Variants in CHST15 observed in about 807,000 individuals in gnomAD.
The protein encoded by CHST15 is B cell RAG associated protein (GALNAC4S-6ST).
Under a neutral mutation model 53.6 loss-of-function variants are expected in CHST15, and 30 were observed. The ratio of observed to expected loss-of-function variants is 0.56; its 90% confidence interval spans 0.42 to 0.76. The LOEUF (loss-of-function observed/expected upper bound fraction) is 0.76, where lower values mean the gene tolerates loss of function less well. Among genes scored for constraint, CHST15 ranks in the 30% least tolerant of loss-of-function variants. The pLI, the probability that CHST15 is intolerant of heterozygous loss-of-function variation, is 0.00. For missense variants in CHST15, 627 were observed against 740.5 expected (o/e 0.85, Z 1.78); for synonymous variants, 296 against 289.8 (o/e 1.02, Z -0.22).
intron 5 of CHST15, among the ~76,000 whole-genome samples, chr10:124,035,301 T>G (rs1305479861): frequency 2.5e-4 from 17 of 68,266 alleles, no homozygotes; most frequent in African/African-American, 4.1e-4. Flanking sequence ...CCCTGATAGG[T>G]ACCCCGGCTC....
At chr10:124,027,651 A>T (rs1947064435) in intron 5 of CHST15, among the ~76,000 whole-genome samples, 1 of 152,138 alleles carries the variant, frequency 6.6e-6, no homozygotes, top group African/African-American at 2.4e-5. Flanking sequence ...GAGGGCCACC[A>T]CCACCATGCC....
At chr10:124,069,403 G>C (rs1326185250) in intron 1 of CHST15, among the ~76,000 whole-genome samples, 1 of 152,212 alleles carries the variant, frequency 6.6e-6, no homozygotes, top group East Asian at 1.9e-4. Context: ...GGCACAGATG[G>C]AAATGGGGCA....
chr10:124,083,259 G>A (rs967103111), intron 1 of CHST15, among the ~76,000 whole-genome samples: 1 of 152,122 alleles, frequency 6.6e-6, no homozygotes, highest in African/African-American at 2.4e-5. Context: ...CAGTGAGCAC[G>A]TCTTCTCACC....
chr10:124,020,770 A>G (rs1406325830), intron 6 of CHST15: 14 of 1,070,864 alleles, frequency 1.3e-5, no homozygotes, highest in Non-Finnish European at 1.6e-5. Context: ...ATTTACAGAC[A>G]TAGTTCTGAA....
Position 124,008,861 on chromosome 10 carries a change from CCT to C in CHST15, c.*1286_*1287del. ...TGCTCAAGCGTTCTCTTCAATCTTC[CCT>C]GTGACTTCCAAGAAACGACAAGATC... is the stretch of plus-strand genomic sequence containing the variant. On this transcript the variant is annotated 3_prime_UTR_variant, in exon 8 of 8. Transcript: ENST00000435907. 1 of 1,270,080 alleles carries C rather than the reference CCT, an allele frequency of 7.9e-7. No homozygotes were observed. The allele number at this position is 1,270,080 out of a possible 1,614,324, so 78.7% of individuals were successfully genotyped here.
At chr10:124,055,897 C>T (rs1164598346) in intron 1 of CHST15, among the ~76,000 whole-genome samples, 1 of 152,222 alleles carries the variant, frequency 6.6e-6, no homozygotes, top group Non-Finnish European at 1.5e-5. Flanking sequence ...CAGTAAGAAA[C>T]ACCCGGAACC....
chr10:124,078,531 G>A (rs1193726672), intron 1 of CHST15, among the ~76,000 whole-genome samples: 1 of 152,204 alleles, frequency 6.6e-6, no homozygotes, highest in African/African-American at 2.4e-5. Flanking sequence ...TTATGTCTCA[G>A]AATCTCTCAG....
chr10:124,011,837 C>G, intron 7 of CHST15: 2 of 985,440 alleles, frequency 2.0e-6, no homozygotes, highest in African/African-American at 3.5e-5. Context: ...GGAGATGATG[C>G]AATGATCTGT....
intron 1 of CHST15, among the ~76,000 whole-genome samples, chr10:124,063,926 G>A (rs9422261): frequency 0.011 from 1,650 of 152,296 alleles, 9 homozygotes; most frequent in Non-Finnish European, 0.015. Flanking sequence ...AGCTTCCAGC[G>A]TTGTTTTGTG....
chr10:124,008,287 C>A lies in CHST15; in HGVS notation c.*1862G>T, dbSNP rs1946321571. 8.7e-7 allele frequency: 1 copy of A among 1,145,842 alleles called. No individual in the cohort carries two copies. The highest frequency in any genetic ancestry group is 1.1e-6 in the Non-Finnish European group (1 of 934,742). 71.0% of individuals were successfully genotyped at this position (1,145,842 alleles called of 1,614,324 possible). A position where few individuals can be genotyped will look rare whatever the true frequency, so the allele number is the denominator to read the frequency against. ...AAGGGTTGTGTCCAGAGCGGAGGAGCCTCATTAGCAACTGAACAGAACCCA... is the reference window on the plus strand; with the variant it reads ...AAGGGTTGTGTCCAGAGCGGAGGAGACTCATTAGCAACTGAACAGAACCCA... On this transcript the variant is annotated 3_prime_UTR_variant, in exon 8 of 8. Coordinates refer to ENST00000435907, the MANE Select transcript of CHST15 (RefSeq NM_001270764.2).
At chr10:124,020,348 C>T (rs1946729211) in intron 6 of CHST15, 1 of 985,474 alleles carries the variant, frequency 1.0e-6, no homozygotes, top group Non-Finnish European at 1.2e-6. Flanking sequence ...ACTCCTCCTA[C>T]CTGGCACCAG....
chr10:124,011,527 G>A, intron 7 of CHST15: 1 of 985,494 alleles, frequency 1.0e-6, no homozygotes. Flanking sequence ...AAGACCATTA[G>A]TCAGGGCTGC....
chr10:124,046,235 G>A lies in CHST15; in HGVS notation c.-23C>T. On this transcript the variant is annotated 5_prime_UTR_variant, in exon 2 of 8. Transcript: ENST00000435907. ...CATGGTAGTGCCAGTGCCCTGGGCT[G>A]CTGGCTTACCGAGCCATGGGTGGGC... 6.4e-7 allele frequency: 1 copy of A among 1,555,044 alleles called. No individual in the cohort carries two copies.
intron 5 of CHST15, among the ~76,000 whole-genome samples, chr10:124,027,503 CAG>C (rs1231145615): frequency 6.6e-6 from 1 of 152,194 alleles, no homozygotes; most frequent in Non-Finnish European, 1.5e-5. Context: ...AGCCAGCGAG[CAG>C]AGGTTGGTGA....
At chr10:124,063,713 C>T (rs776906353) in intron 1 of CHST15, among the ~76,000 whole-genome samples, 5 of 151,934 alleles carry the variant, frequency 3.3e-5, no homozygotes, top group Non-Finnish European at 7.4e-5. Flanking sequence ...AATATTATAA[C>T]AAAGGCATGT....
intron 1 of CHST15, among the ~76,000 whole-genome samples, chr10:124,080,870 A>C (rs1388654129): frequency 2.0e-5 from 3 of 152,180 alleles, no homozygotes; most frequent in African/African-American, 7.2e-5. Context: ...CGGCCCAATC[A>C]TTCTTTCCCA....
rs1946368896 is a variant in CHST15 at position 124,010,097 on chromosome 10, C to A, written c.*52G>T. ...TTCCCCGCAAAGAGATTTGTAAAAT[C>A]CTGATGATGACGGCATTGGCGGGCC... is the stretch of plus-strand genomic sequence containing the variant. On this transcript the variant is annotated 3_prime_UTR_variant, in exon 8 of 8. Transcript: ENST00000435907. 6.2e-7 allele frequency: 1 copy of A among 1,611,514 alleles called. No homozygotes were observed. The highest frequency in any genetic ancestry group is 1.7e-5 in the Admixed American group (1 of 59,958).
chr10:124,087,712 C>T (rs1949474804), intron 1 of CHST15, among the ~76,000 whole-genome samples: 1 of 151,764 alleles, frequency 6.6e-6, no homozygotes, highest in South Asian at 2.1e-4. Context: ...AGCCCCCACC[C>T]CCCCGCCCTC....
intron 5 of CHST15, among the ~76,000 whole-genome samples, chr10:124,022,709 C>G (rs1946831493): frequency 6.6e-6 from 1 of 152,092 alleles, no homozygotes; most frequent in East Asian, 1.9e-4. Flanking sequence ...CAGCAAGAAT[C>G]CCATCGGGTT....
Sources: allele counts gnomAD v4.1 joint callset (sites outside exome capture counted in the v4.1 genomes callset), GRCh38; gene constraint gnomAD v4.1.1; transcripts MANE v1.5; gene names NCBI Gene and HGNC (gene_info 2026-07-23, HGNC 2026-07-21).